HLA-DQB1: variants seen among roughly 807,000 people sequenced by gnomAD.
HLA-DQB1 encodes HLA class II histocompatibility antigen, DQ beta 1 chain.
A neutral mutation model predicts 26.4 loss-of-function variants in HLA-DQB1; 13 were observed. The ratio of observed to expected loss-of-function variants is 0.49; its 90% CI spans 0.32 to 0.78. HLA-DQB1 has a LOEUF of 0.78. Ranked by LOEUF, HLA-DQB1 falls within the 30% of genes least tolerant of loss-of-function variation. The probability of loss-of-function intolerance (pLI) is 0.03; values close to 1 mark genes in which losing one functional copy is unlikely to be tolerated. For synonymous variants in HLA-DQB1, 60 were observed against 129.1 expected, an observed-to-expected ratio of 0.46 and a Z score of 3.63; for missense variants, 158 against 326.2, an observed-to-expected ratio of 0.48 and a Z score of 3.97.
rs139172132 is a variant in HLA-DQB1 at position 32,664,789 on chromosome 6, G to C, written c.379+9C>G. On this transcript the variant is annotated intron_variant, in intron 2 of 4. Coordinates refer to ENST00000434651, the Ensembl canonical transcript of HLA-DQB1. Reference sequence around the variant, plus strand: ...AGGGTGGGCCTCACGGAGGGGCGACGACGCTCACCTCTCCTCTGCAAGATC... The same window carrying C: ...AGGGTGGGCCTCACGGAGGGGCGACCACGCTCACCTCTCCTCTGCAAGATC... The C allele has an allele frequency of 0.042, 42,070 of 1,001,570 alleles. 15,681 individuals are homozygous for C. The highest frequency in any genetic ancestry group is 0.3 in the East Asian group (9,364 of 31,548). 62.0% of individuals were successfully genotyped at this position (1,001,570 alleles called of 1,614,324 possible).
intron 1 of HLA-DQB1, among the ~76,000 whole-genome samples, 178 bp from the exon 2 acceptor site, chr6:32,665,245 TTTG>T (rs774367316): frequency 0.29 from 30,644 of 104,190 alleles, 6,699 homozygotes; most frequent in Middle Eastern, 0.48. Flanking sequence ...GCCCGCCTTC[TTTG>T]CGGGCTTCTG....
intron 3 of HLA-DQB1, 129 bp from the exon 4 acceptor site, chr6:32,661,586 C>G: frequency 1.7e-6 from 1 of 587,512 alleles, no homozygotes; most frequent in Non-Finnish European, 2.7e-6. Context: ...TTCAGACCAC[C>G]CCTAAGGAGG....
Position 32,664,644 on chromosome 6 carries a change from C to T in HLA-DQB1, c.379+154G>A. ...GCCCTAGGTCCCCGCCCCTCCGATG[C>T]ACCTGCCCCCACCACCCCGCCGCCG... On this transcript the variant is annotated intron_variant, in intron 2 of 4. Coordinates refer to ENST00000434651, the Ensembl canonical transcript of HLA-DQB1. 7.8e-6 allele frequency: 2 copies of T among 257,052 alleles called. 1 individual carries two copies. The allele number at this position is 257,052 out of a possible 1,614,324, so 15.9% of individuals were successfully genotyped here.
chr6:32,660,452 G>A (rs9273492), intron 4 of HLA-DQB1: 23,010 of 311,770 alleles, frequency 0.074, 3,520 homozygotes, highest in East Asian at 0.33. Context: ...ATGTGTGGGA[G>A]GTGGGGAACA....
chr6:32,661,591 AGGAG>A (rs1346725310), intron 3 of HLA-DQB1, 134 bp from the exon 4 acceptor site: 15,902 of 528,410 alleles, frequency 0.03, 3,749 homozygotes, highest in East Asian at 0.25. Context: ...ACCACCCCTA[AGGAG>A]GGGAAAGACC....
chr6:32,662,127 A>T (rs1049086), exon 3 of HLA-DQB1: 1 of 1,385,294 alleles, frequency 7.2e-7, no homozygotes, highest in Non-Finnish European at 9.8e-7. Context: ...TCTCCTCCTG[A>T]TCATTCCGAA....
chr6:32,662,534 G>C (rs1231442827), intron 2 of HLA-DQB1: 1 of 95,972 alleles, frequency 1.0e-5, no homozygotes, highest in Non-Finnish European at 1.8e-5. Context: ...AAAAAAAGTA[G>C]AATGTTATTT....
rs758137490 is a variant in HLA-DQB1, at chr6:32,665,093, T to TCCGGCCCCGGC, written c.110-27_110-26insGCCGGGGCCGG. On this transcript the variant is annotated intron_variant, in intron 1 of 4. Transcript: ENST00000434651. ...CTGCGGGGAATCACCGGCCGGTCAG[T>TCCGGCCCCGGC]CAGGCCCCAGCCCGGCCGCCCCCGC... 1.6e-3 allele frequency: 1,800 copies of TCCGGCCCCGGC among 1,112,780 alleles called. 43 individuals carry two copies. The highest frequency in any genetic ancestry group is 9.8e-3 in the Admixed American group (372 of 37,986). 68.9% of individuals were successfully genotyped at this position (1,112,780 alleles called of 1,614,324 possible). A position where few individuals can be genotyped will look rare whatever the true frequency, so the allele number is the denominator to read the frequency against.
At chr6:32,662,780 G>A (rs9274187) in intron 2 of HLA-DQB1, 58,688 of 112,862 alleles carry the variant, frequency 0.52, 16,035 homozygotes, top group Middle Eastern at 0.66. Context: ...TATTTAATGT[G>A]TGCTTTCTTT....
chr6:32,661,838 A>C, intron 3 of HLA-DQB1, 129 bp downstream of exon 3: 2 of 765,776 alleles, frequency 2.6e-6, no homozygotes, highest in East Asian at 2.5e-5. Context: ...CCATGGAGCA[A>C]GAGGTGCTCT....
chr6:32,660,185 C>A (rs776479724), exon 5 of HLA-DQB1: 2 of 810,202 alleles, frequency 2.5e-6, no homozygotes, highest in Non-Finnish European at 3.7e-6. Context: ...CAGGCATAAG[C>A]AGGCATCACA....
exon 3 of HLA-DQB1, chr6:32,661,984 G>C (rs1783111506): frequency 6.4e-7 from 1 of 1,551,832 alleles, no homozygotes; most frequent in Non-Finnish European, 8.8e-7. Context: ...CACGGTGATG[G>C]GGCTCTGGAG....
chr6:32,662,209 G>A (rs9274018), exon 3 of HLA-DQB1: 4 of 1,482,430 alleles, frequency 2.7e-6, no homozygotes, highest in Non-Finnish European at 2.7e-6. Context: ...GTGGTTGAGG[G>A]CCTCTGTCCT....
At chr6:32,661,894 A>T (rs9273881) in intron 3 of HLA-DQB1, 73 bp downstream of exon 3, 2 of 1,083,610 alleles carry the variant, frequency 1.8e-6, no homozygotes, top group Non-Finnish European at 2.7e-6. Context: ...GGGATAAGAG[A>T]TGGGAAGGAA....
chr6:32,661,624 T>C, intron 3 of HLA-DQB1, 167 bp from the exon 4 acceptor site: 2 of 458,052 alleles, frequency 4.4e-6, no homozygotes, highest in Non-Finnish European at 3.7e-6. Context: ...GGTCCTTGGA[T>C]ACAGTGAATA....
At chr6:32,666,130 C>G (rs9274495) in intron 1 of HLA-DQB1, among the ~76,000 whole-genome samples, 24,582 of 138,630 alleles carry the variant, frequency 0.18, 2,599 homozygotes, top group Middle Eastern at 0.32. Context: ...TCTCATAATC[C>G]TAAGTCCAGG....
intron 4 of HLA-DQB1, among the ~76,000 whole-genome samples, 160 bp downstream of exon 4, chr6:32,661,187 A>C (rs1782945929): frequency 1.1e-5 from 1 of 93,988 alleles, no homozygotes; most frequent in Non-Finnish European, 2.4e-5. Context: ...GCTACCTTTC[A>C]ACCAGTAAAA....
At chr6:32,661,767 G>A (rs562092898) in intron 3 of HLA-DQB1, 200 bp downstream of exon 3, 14,356 of 536,072 alleles carry the variant, frequency 0.027, 418 homozygotes, top group Admixed American at 0.066. Flanking sequence ...GCAACAGTAT[G>A]TAGAGTAATT....
Position 32,664,886 on chromosome 6 carries a change from CT to C in HLA-DQB1, c.290del (p.Lys97ArgfsTer35). Reference sequence around the variant, plus strand: ...CCGCCCGGGTCCCCTCCAGGACTTCCTTCTGGCTGTTCCAGTACTCGGCATC... The same window carrying C: ...CCGCCCGGGTCCCCTCCAGGACTTCCTCTGGCTGTTCCAGTACTCGGCATC... On this transcript the variant is annotated frameshift_variant, in exon 2 of 5. Coordinates refer to ENST00000434651, the Ensembl canonical transcript of HLA-DQB1. LOFTEE classifies it high-confidence loss of function. The C allele has an allele frequency of 7.5e-7, 1 of 1,339,312 alleles. No homozygotes were observed. Among genetic ancestry groups the C allele is most frequent in the East Asian group, 2.4e-5 (1 of 42,256 alleles). The allele number at this position is 1,339,312 out of a possible 1,614,324, so 83.0% of individuals were successfully genotyped here. A position where few individuals can be genotyped will look rare whatever the true frequency, so the allele number is the denominator to read the frequency against.
Sources: gnomAD v4.1 joint callset for allele counts (sites outside exome capture counted in the v4.1 genomes callset) on GRCh38, gnomAD v4.1.1 for gene constraint, MANE v1.5 for transcripts, NCBI Gene and HGNC (gene_info 2026-07-23, HGNC 2026-07-21) for gene names.